Variants in MAD1L1 observed in about 807,000 individuals in gnomAD.
MAD1L1 encodes mitotic arrest deficient 1 like 1, also known as mitotic spindle assembly checkpoint protein MAD1.
In MAD1L1, 95 loss-of-function variants were observed where a neutral mutation model predicts 96.9. The ratio of observed to expected loss-of-function variants is 0.98; its 90% CI spans 0.83 to 1.16. The LOEUF (loss-of-function observed/expected upper bound fraction) is 1.16, where lower values mean the gene tolerates loss of function less well. Ranked by LOEUF, MAD1L1 falls within the 50% of genes most tolerant of loss-of-function variation. MAD1L1 has a pLI of 0.00. For missense variants in MAD1L1, 1,007 were observed against 954.4 expected (o/e 1.06, Z -0.73); for synonymous variants, 473 against 396.6 (o/e 1.19, Z -2.29).
intron 17 of MAD1L1, among the ~76,000 whole-genome samples, chr7:1,900,084 C>T (rs771986134): frequency 2.0e-5 from 3 of 152,216 alleles, no homozygotes; most frequent in African/African-American, 4.8e-5. Flanking sequence ...AGCGCAGGGC[C>T]GCTGGGCACC....
chr7:2,145,759 C>T (rs143649187), intron 11 of MAD1L1, among the ~76,000 whole-genome samples: 1,917 of 152,312 alleles, frequency 0.013, 29 homozygotes, highest in African/African-American at 0.044. Context: ...GGTGGGAGAG[C>T]TCCAGGATCC....
intron 18 of MAD1L1, among the ~76,000 whole-genome samples, chr7:1,885,759 C>T (rs912510521): frequency 2.0e-5 from 3 of 152,214 alleles, no homozygotes; most frequent in African/African-American, 4.8e-5. Flanking sequence ...CTCGGCAGCC[C>T]GGCGCCCAGA....
At chr7:1,822,116 C>T (rs112588338) in intron 18 of MAD1L1, among the ~76,000 whole-genome samples, 4 of 152,186 alleles carry the variant, frequency 2.6e-5, no homozygotes, top group East Asian at 1.9e-4. Context: ...AGTGAGTCCA[C>T]GAAGGTTGCA....
At chr7:1,922,244 T>C (rs964833753) in intron 17 of MAD1L1, among the ~76,000 whole-genome samples, 1 of 152,252 alleles carries the variant, frequency 6.6e-6, no homozygotes, top group African/African-American at 2.4e-5. Flanking sequence ...GCCGCGTCTT[T>C]ACTGCGCTGC....
chr7:1,946,066 C>A (rs900735971), intron 16 of MAD1L1, among the ~76,000 whole-genome samples: 4 of 152,218 alleles, frequency 2.6e-5, no homozygotes, highest in African/African-American at 9.6e-5. Flanking sequence ...GCGGGTTGTA[C>A]ACTGGGGCCA....
chr7:1,908,957 A>G (rs1787846490), intron 17 of MAD1L1, among the ~76,000 whole-genome samples: 1 of 152,106 alleles, frequency 6.6e-6, no homozygotes, highest in African/African-American at 2.4e-5. Flanking sequence ...GTCCTGCTGG[A>G]CTGTTTCTGG....
intron 13 of MAD1L1, among the ~76,000 whole-genome samples, chr7:2,003,057 C>G (rs6970403): frequency 4.5e-3 from 15 of 3,330 alleles, no homozygotes; most frequent in African/African-American, 9.1e-3. Flanking sequence ...CCACAGCACA[C>G]AGGAAAGTCC....
At chr7:2,012,234 C>A (rs1346652285) in intron 13 of MAD1L1, among the ~76,000 whole-genome samples, 2 of 152,218 alleles carry the variant, frequency 1.3e-5, no homozygotes, top group Non-Finnish European at 2.9e-5. Context: ...CAGCCCTGAT[C>A]GCCTTAACAC....
intron 12 of MAD1L1, among the ~76,000 whole-genome samples, chr7:2,042,217 A>ACGTGCACACACAAGCG (rs1161833448): frequency 1.5e-5 from 2 of 130,502 alleles, no homozygotes; most frequent in African/African-American, 6.7e-5. Flanking sequence ...ACGCACACAG[A>ACGTGCACACACAAGCG]CGTGCACACA....
At chr7:1,829,088 G>A (rs1480476532) in intron 18 of MAD1L1, among the ~76,000 whole-genome samples, 1 of 152,234 alleles carries the variant, frequency 6.6e-6, no homozygotes, top group Non-Finnish European at 1.5e-5. Flanking sequence ...ACATAAAGGA[G>A]GCAGCACATT....
intron 18 of MAD1L1, chr7:1,874,617 C>A (rs1785281502): frequency 2.3e-6 from 1 of 437,828 alleles, no homozygotes; most frequent in Admixed American, 2.6e-5. Context: ...GGTGGCTCTT[C>A]ATCGATCGCC....
At chr7:1,906,176 A>G (rs1787618863) in intron 17 of MAD1L1, among the ~76,000 whole-genome samples, 1 of 151,828 alleles carries the variant, frequency 6.6e-6, no homozygotes. Flanking sequence ...ACGTGGGAAG[A>G]CCCCACAGGA....
chr7:2,139,620 G>A lies in MAD1L1; in HGVS notation c.1073+9532C>T, dbSNP rs569684115. Among the ~76,000 whole-genome samples the A allele has an allele frequency of 8.6e-5, 13 of 151,754 alleles. No individual in the cohort carries two copies. The South Asian group carries it at 2.3e-3, about 27-fold the overall frequency. On this transcript the variant is annotated intron_variant, in intron 11 of 18. Transcript: ENST00000265854. Reference sequence around the variant, plus strand: ...AACTCCACAGCCACAGAGGACACCCGCCGCTCTCCTTCAAGGCTGAGAACT... The same window carrying A: ...AACTCCACAGCCACAGAGGACACCCACCGCTCTCCTTCAAGGCTGAGAACT...
chr7:2,118,178 G>A (rs1354173115), intron 11 of MAD1L1, among the ~76,000 whole-genome samples: 1 of 152,202 alleles, frequency 6.6e-6, no homozygotes, highest in Non-Finnish European at 1.5e-5. Flanking sequence ...CGGACGCTGT[G>A]CTGCCAGGGG....
chr7:2,171,855 AG>A (rs1438018408), intron 10 of MAD1L1, among the ~76,000 whole-genome samples: 1 of 152,202 alleles, frequency 6.6e-6, no homozygotes, highest in Non-Finnish European at 1.5e-5. Context: ...AGGCTGCCAA[AG>A]GGGCCATGAG....
intron 18 of MAD1L1, among the ~76,000 whole-genome samples, chr7:1,855,707 T>C (rs1784213631): frequency 6.6e-6 from 1 of 152,118 alleles, no homozygotes; most frequent in Non-Finnish European, 1.5e-5. Context: ...CCTCCCTTCC[T>C]CCTGAGCCCT....
In MAD1L1 at chr7:2,221,591, G is replaced by A. The variant is rs540403199; in HGVS notation, c.471+984C>T. Among the ~76,000 whole-genome samples the A allele has an allele frequency of 5.9e-5, 9 of 152,014 alleles. 1 individual carries two copies. In the South Asian group the frequency reaches 1.7e-3, roughly 28 times the overall value. ...ATCGCCACAGACAAAGGACAGGAGA[G>A]GTCAGAAGATTCCAATTTCCACCAG... On this transcript the variant is annotated intron_variant, in intron 5 of 18. Transcript: ENST00000265854.
chr7:2,205,033 A>G (rs1283490828), intron 10 of MAD1L1, among the ~76,000 whole-genome samples: 1 of 151,140 alleles, frequency 6.6e-6, no homozygotes, highest in African/African-American at 2.4e-5. Context: ...AAGTAACGAG[A>G]GAAATCTACA....
intron 11 of MAD1L1, among the ~76,000 whole-genome samples, chr7:2,124,934 C>T (rs1209007508): frequency 6.6e-6 from 1 of 152,184 alleles, no homozygotes; most frequent in Admixed American, 6.5e-5. Flanking sequence ...GGCCTTCCAG[C>T]CCCAGGGCAG....
Sources: allele counts gnomAD v4.1 joint callset (sites outside exome capture counted in the v4.1 genomes callset), GRCh38; gene constraint gnomAD v4.1.1; transcripts MANE v1.5; gene names NCBI Gene and HGNC (gene_info 2026-07-23, HGNC 2026-07-21).